Variants in SYCP2 observed in about 807,000 individuals in gnomAD.
SYCP2 encodes the protein synaptonemal complex lateral element protein.
SYCP2 carries 55 observed loss-of-function variants against 211.3 expected under a neutral mutation model. That is an observed-to-expected ratio of 0.26 (90% CI 0.21 to 0.33). SYCP2 has a LOEUF of 0.33. Among genes scored for constraint, SYCP2 ranks in the 10% least tolerant of loss-of-function variants. SYCP2 has a pLI of 1.00. For synonymous variants in SYCP2, 570 were observed against 555.2 expected, an observed-to-expected ratio of 1.03 and a Z score of -0.37; for missense variants, 1,731 against 1,752.0, an observed-to-expected ratio of 0.99 and a Z score of 0.21.
chr20:59,916,145 GAGGAAGCCA>G (rs1488181498), intron 8 of SYCP2, among the ~76,000 whole-genome samples: 99 of 152,224 alleles, frequency 6.5e-4, no homozygotes, highest in African/African-American at 2.3e-3. Flanking sequence ...TATAAGATCT[GAGGAAGCCA>G]AAAAATGTTA....
chr20:59,926,408 T>C (rs1228729838), intron 2 of SYCP2, among the ~76,000 whole-genome samples: 1 of 152,054 alleles, frequency 6.6e-6, no homozygotes, highest in Non-Finnish European at 1.5e-5. Context: ...TTCTTTGACT[T>C]GTGGCAGTAT....
At chr20:59,867,913 G>A in intron 38 of SYCP2, 66 bp from the exon 39 acceptor site, 1 of 1,196,572 alleles carries the variant, frequency 8.4e-7, no homozygotes, top group South Asian at 1.4e-5. Context: ...CTTGTAATTA[G>A]GCTAAGAACA....
intron 24 of SYCP2, among the ~76,000 whole-genome samples, chr20:59,887,366 T>A (rs188553966): frequency 5.4e-4 from 82 of 152,238 alleles, no homozygotes; most frequent in African/African-American, 1.9e-3. Flanking sequence ...CATGGTGTAT[T>A]TGTGCCACAT....
At chr20:59,879,822 A>AATATATATATATATAT (rs1159547809) in intron 31 of SYCP2, among the ~76,000 whole-genome samples, 8 of 51,084 alleles carry the variant, frequency 1.6e-4, no homozygotes, top group South Asian at 1.0e-3. Flanking sequence ...AATATAAATA[A>AATATATATATATATAT]ATATATATAT....
chr20:59,880,146 AAT>A (rs1428516744), intron 31 of SYCP2, among the ~76,000 whole-genome samples, 155 bp downstream of exon 31: 1 of 151,594 alleles, frequency 6.6e-6, no homozygotes, highest in African/African-American at 2.4e-5. Flanking sequence ...GTATTACTAA[AAT>A]AAAACAAAAA....
intron 2 of SYCP2, among the ~76,000 whole-genome samples, chr20:59,923,194 CTATCT>C (rs1368970310): frequency 2.0e-5 from 3 of 151,980 alleles, no homozygotes; most frequent in African/African-American, 7.2e-5. Flanking sequence ...TCAAACAATC[CTATCT>C]TGTGTGTTTC....
chr20:59,932,199 A>G (rs1175892782), intron 1 of SYCP2, 45 bp from the exon 2 acceptor site: 2 of 152,180 alleles, frequency 1.3e-5, no homozygotes, highest in Non-Finnish European at 2.9e-5. Flanking sequence ...ACAACAAAGA[A>G]AACAATTTGG....
At chr20:59,892,491 A>C in intron 23 of SYCP2, 65 bp from the exon 24 acceptor site, 1 of 1,504,458 alleles carries the variant, frequency 6.6e-7, no homozygotes. Context: ...AAAATTTGTT[A>C]AATTTGTTTT....
chr20:59,865,751 T>C, intron 42 of SYCP2, 56 bp downstream of exon 42: 1 of 1,043,380 alleles, frequency 9.6e-7, no homozygotes, highest in South Asian at 2.7e-5. Flanking sequence ...AATAGAAATT[T>C]ATTAATTTAA....
rs1173799754 is a variant in SYCP2, at chr20:59,886,801, C to T, written c.2398G>A (p.Val800Ile). ...EKSKGKEFTNVAESLISQINK... is the reference protein window; with the variant it reads ...EKSKGKEFTNIAESLISQINK... ...ATTTGGCTTATCAAGGATTCTGCTA[C>T]ATTGGTAAATTCTTTCCCTTTTGAC... Residue 800 changes from valine to isoleucine, a missense_variant, in exon 25 of 45, where the codon GTA (valine) becomes ATA (isoleucine). By Grantham distance (29) the Val-to-Ile change is conservative. Around this residue, in one of 3 missense-constraint regions of SYCP2, gnomAD observed 1,387 missense variants for 1,351.3 expected, o/e 1.03. Coordinates refer to ENST00000357552, the MANE Select transcript of SYCP2 (RefSeq NM_014258.4). 2 of 1,590,534 alleles carry T rather than the reference C, an allele frequency of 1.3e-6. No homozygotes were observed. Among genetic ancestry groups the T allele is most frequent in the East Asian group, 2.3e-5 (1 of 43,752 alleles).
chr20:59,908,768 T>TCTCC (rs576225436), intron 14 of SYCP2, among the ~76,000 whole-genome samples: 79 of 152,166 alleles, frequency 5.2e-4, no homozygotes, highest in African/African-American at 1.8e-3. Flanking sequence ...CACCTCCCAC[T>TCTCC]CTCCATTATA....
chr20:59,906,316 T>C (rs2145807162), intron 15 of SYCP2, among the ~76,000 whole-genome samples: 1 of 152,150 alleles, frequency 6.6e-6, no homozygotes, highest in South Asian at 2.1e-4. Context: ...AAATCTACCA[T>C]AATCAAAACA....
At chr20:59,898,410 CTT>C (rs945094496) in intron 18 of SYCP2, among the ~76,000 whole-genome samples, 2 of 152,298 alleles carry the variant, frequency 1.3e-5, no homozygotes, top group African/African-American at 2.4e-5. Context: ...GAGTTCATGT[CTT>C]TTGCTGGCAC....
chr20:59,868,337 G>A, intron 38 of SYCP2, 76 bp downstream of exon 38: 2 of 1,481,410 alleles, frequency 1.4e-6, no homozygotes, highest in Non-Finnish European at 1.8e-6. Flanking sequence ...AATTTGTTTT[G>A]TAAATAGACT....
At chr20:59,890,566 ATAGGTAGGTAGGTAAG>A (rs1315422870) in intron 24 of SYCP2, among the ~76,000 whole-genome samples, 5 of 151,104 alleles carry the variant, frequency 3.3e-5, no homozygotes, top group Admixed American at 6.6e-5. Flanking sequence ...AAATAGGTAG[ATAGGTAGGTAGGTAAG>A]TAGGTAGGTA....
intron 2 of SYCP2, among the ~76,000 whole-genome samples, chr20:59,926,961 T>A (rs1488977192): frequency 6.6e-6 from 1 of 152,164 alleles, no homozygotes; most frequent in Non-Finnish European, 1.5e-5. Context: ...AGATTCTGGA[T>A]AACTGACAGA....
Position 59,868,586 on chromosome 20 carries a change from A to T in SYCP2, c.3833-18T>A. 2 of 1,563,214 alleles carry T rather than the reference A, an allele frequency of 1.3e-6. No individual in the cohort carries two copies. Among genetic ancestry groups the T allele is most frequent in the Non-Finnish European group, 1.7e-6 (2 of 1,164,408 alleles). ...GGTGGGGCCTTAGGAACAGTTAAAGAAAGTTAAAAGCGCTGCAATTTTCAT... is the reference window on the plus strand; with the variant it reads ...GGTGGGGCCTTAGGAACAGTTAAAGTAAGTTAAAAGCGCTGCAATTTTCAT... On this transcript the variant is annotated intron_variant, in intron 37 of 44. Transcript: ENST00000357552.
In SYCP2 at chr20:59,886,095, T is replaced by C. The variant is rs188207553; in HGVS notation, c.2493-131A>G. 1.5e-4 allele frequency: 101 copies of C among 652,994 alleles called. No individual in the cohort carries two copies. In the East Asian group the frequency reaches 2.8e-3, roughly 18 times the overall value. 40.4% of individuals were successfully genotyped at this position (652,994 alleles called of 1,614,324 possible). A position where few individuals can be genotyped will look rare whatever the true frequency, so the allele number is the denominator to read the frequency against. On this transcript the variant is annotated intron_variant, in intron 25 of 44. Coordinates refer to ENST00000357552, the MANE Select transcript of SYCP2 (RefSeq NM_014258.4). ...AAAAATAACCAAAATGTAACAGTAATAGTCTGATAGTTTTGCTACTTCACT... is the reference window on the plus strand; with the variant it reads ...AAAAATAACCAAAATGTAACAGTAACAGTCTGATAGTTTTGCTACTTCACT...
Position 59,894,519 on chromosome 20 carries a change from C to CT in SYCP2, c.1665+917dup, listed in dbSNP as rs1410070174. 3.9e-5 allele frequency among the ~76,000 whole-genome samples: 6 copies of CT among 152,136 alleles called. No homozygotes were observed. In the East Asian group the frequency reaches 1.2e-3, roughly 29 times the overall value. ...AAATTAAAAAAATAGAATCCATCAT[C>CT]TGTTCTCATCTTACTATTAACACCA... is the stretch of plus-strand genomic sequence containing the variant. On this transcript the variant is annotated intron_variant, in intron 20 of 44. Coordinates refer to ENST00000357552, the MANE Select transcript of SYCP2 (RefSeq NM_014258.4).
Sources: allele counts gnomAD v4.1 joint callset (sites outside exome capture counted in the v4.1 genomes callset), GRCh38; gene constraint gnomAD v4.1.1; regional missense constraint gnomAD v4.1.1; transcripts MANE v1.5; gene names NCBI Gene and HGNC (gene_info 2026-07-23, HGNC 2026-07-21).